Variants in DGKB observed in about 807,000 individuals in gnomAD.
DGKB encodes the protein diacylglycerol kinase beta.
Under a neutral mutation model 114.3 loss-of-function variants are expected in DGKB, and 67 were observed. The observed-to-expected ratio is 0.59, with a 90% confidence interval of 0.48 to 0.72. The LOEUF (loss-of-function observed/expected upper bound fraction) is 0.72, where lower values mean the gene tolerates loss of function less well. DGKB is among the 30% of genes least tolerant of loss of function. The pLI is 0.00. For synonymous variants in DGKB, 398 were observed against 323.1 expected (o/e 1.23, Z -2.49); for missense variants, 907 against 975.2 (o/e 0.93, Z 0.93).
intron 13 of DGKB, among the ~76,000 whole-genome samples, chr7:14,662,848 T>C (rs1241517350): frequency 2.0e-5 from 3 of 152,082 alleles, no homozygotes; most frequent in African/African-American, 7.2e-5. Flanking sequence ...GGTTTTTAAA[T>C]GTTTAAATTC....
At chr7:14,405,051 G>T (rs1823724191) in intron 21 of DGKB, among the ~76,000 whole-genome samples, 1 of 151,584 alleles carries the variant, frequency 6.6e-6, no homozygotes, top group Non-Finnish European at 1.5e-5. Flanking sequence ...TAGGATACTA[G>T]ATTCCACCAT....
chr7:14,970,801 T>C (rs1787418514), intron 1 of DGKB, among the ~76,000 whole-genome samples: 1 of 152,024 alleles, frequency 6.6e-6, no homozygotes, highest in South Asian at 2.1e-4. Flanking sequence ...TCTTTGAATC[T>C]CTCTTTCAAA....
chr7:14,782,514 T>A (rs1233254828), intron 2 of DGKB, among the ~76,000 whole-genome samples: 2 of 152,150 alleles, frequency 1.3e-5, no homozygotes, highest in African/African-American at 4.8e-5. Context: ...GCTCTAGGCA[T>A]GTGGAATAAA....
At chr7:14,438,558 A>G (rs1449803393) in intron 21 of DGKB, among the ~76,000 whole-genome samples, 1 of 152,142 alleles carries the variant, frequency 6.6e-6, no homozygotes, top group African/African-American at 2.4e-5. Flanking sequence ...ACAAACAGAA[A>G]GAAAAGTGCT....
intron 13 of DGKB, among the ~76,000 whole-genome samples, chr7:14,642,030 T>G (rs895084857): frequency 6.6e-6 from 1 of 152,130 alleles, no homozygotes; most frequent in Non-Finnish European, 1.5e-5. Context: ...AGGGATAGCA[T>G]GATCTCTTTT....
Position 14,726,136 on chromosome 7 carries a change from A to T in DGKB, c.323-7451T>A, listed in dbSNP as rs776933152. ...GGAGTTTTATTATTTATTTATTTTT[A>T]TTTATTTATTTATTTATTTTTGAGA... is the stretch of plus-strand genomic sequence containing the variant. On this transcript the variant is annotated intron_variant, in intron 5 of 25. Transcript: ENST00000402815. 7.9e-5 allele frequency among the ~76,000 whole-genome samples: 12 copies of T among 151,696 alleles called. No homozygotes were observed. In the South Asian group the frequency reaches 1.9e-3, roughly 24 times the overall value.
chr7:14,330,565 ACTT>A (rs1809548878), intron 23 of DGKB, among the ~76,000 whole-genome samples: 1 of 152,010 alleles, frequency 6.6e-6, no homozygotes, highest in Non-Finnish European at 1.5e-5. Context: ...ATAGCATTAT[ACTT>A]CTTGTCAGAT....
chr7:14,874,020 G>T (rs1260413258), intron 1 of DGKB, among the ~76,000 whole-genome samples: 1 of 151,966 alleles, frequency 6.6e-6, no homozygotes, highest in East Asian at 1.9e-4. Context: ...AACATTTTTA[G>T]TAACAGTAAT....
At chr7:14,370,584 GTCTTC>G (rs1817469182) in intron 21 of DGKB, among the ~76,000 whole-genome samples, 1 of 152,054 alleles carries the variant, frequency 6.6e-6, no homozygotes, top group Non-Finnish European at 1.5e-5. Context: ...ATTTGTTTGT[GTCTTC>G]TCTTATTTTC....
At chr7:14,197,590 G>A (rs1278963422) in intron 23 of DGKB, among the ~76,000 whole-genome samples, 2 of 152,098 alleles carry the variant, frequency 1.3e-5, no homozygotes, top group East Asian at 1.9e-4. Context: ...GGGGTCATCT[G>A]CAGCAAACAC....
chr7:14,408,302 A>G (rs915977601), intron 21 of DGKB, among the ~76,000 whole-genome samples: 2 of 152,094 alleles, frequency 1.3e-5, no homozygotes, highest in Non-Finnish European at 2.9e-5. Flanking sequence ...GTTAATTATC[A>G]TGGAAGTACT....
intron 22 of DGKB, among the ~76,000 whole-genome samples, chr7:14,341,721 C>G (rs1440408794): frequency 6.6e-6 from 1 of 151,730 alleles, no homozygotes; most frequent in Non-Finnish European, 1.5e-5. Flanking sequence ...GTGTTTTAAC[C>G]TTCATAAATA....
chr7:14,366,152 T>G (rs1355885155), intron 21 of DGKB, among the ~76,000 whole-genome samples: 1 of 152,150 alleles, frequency 6.6e-6, no homozygotes, highest in Non-Finnish European at 1.5e-5. Flanking sequence ...AGACTGTTTT[T>G]TATTTCTTAT....
intron 13 of DGKB, among the ~76,000 whole-genome samples, chr7:14,660,817 C>T (rs1292871189): frequency 1.3e-5 from 2 of 151,982 alleles, no homozygotes; most frequent in African/African-American, 4.8e-5. Flanking sequence ...TACAAGGCTA[C>T]AGTAACCCAA....
chr7:14,613,319 AAAATC>A lies in DGKB; in HGVS notation c.1358+16_1358+20del. On this transcript the variant is annotated intron_variant, in intron 16 of 25. Transcript: ENST00000402815. ...TTTACATATACATGACATAGACACT[AAAATC>A]AATCAAAAAACATACCGTTCTCCTT... 2 of 1,509,146 alleles carry A rather than the reference AAAATC, an allele frequency of 1.3e-6. No homozygotes were observed. Among genetic ancestry groups the A allele is most frequent in the Non-Finnish European group, 1.8e-6 (2 of 1,107,880 alleles). The allele number at this position is 1,509,146 out of a possible 1,614,324, so 93.5% of individuals were successfully genotyped here. A position where few individuals can be genotyped will look rare whatever the true frequency, so the allele number is the denominator to read the frequency against.
intron 13 of DGKB, among the ~76,000 whole-genome samples, chr7:14,644,835 C>T (rs116322282): frequency 0.014 from 2,056 of 152,172 alleles, 39 homozygotes; most frequent in African/African-American, 0.047. Context: ...AATAGACATC[C>T]AGATACAGGA....
At chr7:14,152,825 T>C (rs570103504) in intron 25 of DGKB, among the ~76,000 whole-genome samples, 1 of 152,242 alleles carries the variant, frequency 6.6e-6, no homozygotes, top group African/African-American at 2.4e-5. Flanking sequence ...CTCATAGTTG[T>C]AATGTTAAGA....
At chr7:14,648,937 T>A in intron 13 of DGKB, among the ~76,000 whole-genome samples, 2 of 109,494 alleles carry the variant, frequency 1.8e-5, no homozygotes, top group African/African-American at 6.9e-5. Flanking sequence ...AGAAGGGAAG[T>A]TTAGAGAAAA....
rs553105856 is a variant in DGKB, at chr7:14,841,252, C to T, written c.12G>A (p.Gln4=). The change falls in exon 2 of 26, where the codon CAG becomes CAA. Residue 4 remains glutamine (Q), a synonymous_variant. Transcript: ENST00000402815. The stretch of plus-strand genomic sequence containing the variant: ...AAGGGCTGAGGTGGGCCCATTTTTC[C>T]TGGTTTGTCATGGTGGTGGTGAGAA... MTN[Q]EKWAHLSPSE... 6 of 1,613,380 alleles carry T rather than the reference C, an allele frequency of 3.7e-6. No homozygotes were observed. In the South Asian group the frequency reaches 4.4e-5, roughly 12 times the overall value.
Sources: allele counts gnomAD v4.1 joint callset (sites outside exome capture counted in the v4.1 genomes callset), GRCh38; gene constraint gnomAD v4.1.1; transcripts MANE v1.5; gene names NCBI Gene and HGNC (gene_info 2026-07-23, HGNC 2026-07-21).